Variants in SYT1 observed in about 807,000 individuals in gnomAD.
The protein encoded by SYT1 is synaptotagmin 1, also known as synaptotagmin-1.
SYT1 carries 8 observed loss-of-function variants against 44.8 expected under a neutral mutation model. The observed-to-expected ratio is 0.18, with a 90% confidence interval of 0.10 to 0.32. The LOEUF is 0.32. Ranked by LOEUF, SYT1 falls within the 10% of genes least tolerant of loss-of-function variation. SYT1 has a pLI of 1.00. For missense variants in SYT1, 286 were observed against 509.3 expected (o/e 0.56, Z 4.22); for synonymous variants, 154 against 188.8 (o/e 0.82, Z 1.51).
At chr12:79,157,016 A>G (rs550527726) in intron 3 of SYT1, among the ~76,000 whole-genome samples, 1 of 152,172 alleles carries the variant, frequency 6.6e-6, no homozygotes, top group East Asian at 1.9e-4. Context: ...TGGGGAGGAA[A>G]AGAGGAGGAG....
intron 2 of SYT1, among the ~76,000 whole-genome samples, chr12:79,043,067 AGGTGT>A: frequency 6.7e-6 from 1 of 148,860 alleles, no homozygotes; most frequent in African/African-American, 2.5e-5. Flanking sequence ...ATTTTGGAAT[AGGTGT>A]GGTGTGGTGC....
intron 3 of SYT1, among the ~76,000 whole-genome samples, chr12:79,147,499 AAG>A (rs1164184327): frequency 1.3e-5 from 2 of 152,300 alleles, no homozygotes; most frequent in South Asian, 2.1e-4. Context: ...CTGGGGGAAA[AAG>A]AGTGTTACAA....
intron 3 of SYT1, among the ~76,000 whole-genome samples, chr12:79,195,004 C>A (rs1873367110): frequency 6.6e-6 from 1 of 152,136 alleles, no homozygotes; most frequent in African/African-American, 2.4e-5. Context: ...ATTCTGTTAA[C>A]CTTGAAGCCC....
intron 8 of SYT1, among the ~76,000 whole-genome samples, chr12:79,333,776 C>T (rs966339181): frequency 6.6e-6 from 1 of 152,120 alleles, no homozygotes; most frequent in Non-Finnish European, 1.5e-5. Context: ...TTTATTCCTA[C>T]CAGCTCTTTG....
intron 3 of SYT1, among the ~76,000 whole-genome samples, chr12:79,071,606 A>G (rs1221272429): frequency 6.6e-6 from 1 of 152,158 alleles, no homozygotes; most frequent in Admixed American, 6.5e-5. Context: ...TAGAAATCCA[A>G]ACTCAAGATG....
chr12:79,102,109 A>G (rs1271883862), intron 3 of SYT1, among the ~76,000 whole-genome samples: 1 of 152,158 alleles, frequency 6.6e-6, no homozygotes, highest in Non-Finnish European at 1.5e-5. Context: ...GTCTTTGATC[A>G]TAATATATCC....
intron 4 of SYT1, among the ~76,000 whole-genome samples, chr12:79,256,046 G>C (rs1260079764): frequency 6.6e-6 from 1 of 152,132 alleles, no homozygotes; most frequent in African/African-American, 2.4e-5. Context: ...ATGAATAGTG[G>C]CTTACGTGTT....
At chr12:79,307,570 G>A (rs896168658) in intron 8 of SYT1, among the ~76,000 whole-genome samples, 2 of 150,426 alleles carry the variant, frequency 1.3e-5, no homozygotes, top group East Asian at 4.0e-4. Context: ...CTTCCGGGGC[G>A]CCTGGCCCTG....
At chr12:79,187,318 G>A (rs1163352713) in intron 3 of SYT1, among the ~76,000 whole-genome samples, 1 of 152,118 alleles carries the variant, frequency 6.6e-6, no homozygotes, top group South Asian at 2.1e-4. Flanking sequence ...TTAAGCGGCA[G>A]CTGCTCAGAG....
chr12:79,108,181 G>C (rs1429373618), intron 3 of SYT1, among the ~76,000 whole-genome samples: 1 of 151,854 alleles, frequency 6.6e-6, no homozygotes, highest in Non-Finnish European at 1.5e-5. Flanking sequence ...GAATTAAAAG[G>C]GTTTGATGGA....
chr12:78,974,289 C>T (rs1442116693), intron 1 of SYT1, among the ~76,000 whole-genome samples: 1 of 151,640 alleles, frequency 6.6e-6, no homozygotes, highest in Non-Finnish European at 1.5e-5. Context: ...TCATCATTAA[C>T]TGAAATTTTA....
intron 2 of SYT1, among the ~76,000 whole-genome samples, chr12:78,985,781 T>C (rs1161769801): frequency 6.6e-6 from 1 of 151,986 alleles, no homozygotes; most frequent in Non-Finnish European, 1.5e-5. Context: ...GCTTCAAGTT[T>C]ATTTTGGGTA....
At chr12:78,917,359 A>G (rs900403996) in intron 1 of SYT1, among the ~76,000 whole-genome samples, 1 of 151,924 alleles carries the variant, frequency 6.6e-6, no homozygotes, top group Non-Finnish European at 1.5e-5. Flanking sequence ...TCCATACCCA[A>G]AGTTGACTGT....
At chr12:79,393,854 T>A (rs990514494) in intron 9 of SYT1, 1 of 152,112 alleles carries the variant, frequency 6.6e-6, no homozygotes, top group African/African-American at 2.4e-5. Flanking sequence ...CTGAAAGCAT[T>A]TCTTTAAGCT....
At chr12:79,173,257 C>A (rs1386851658) in intron 3 of SYT1, among the ~76,000 whole-genome samples, 1 of 152,010 alleles carries the variant, frequency 6.6e-6, no homozygotes, top group African/African-American at 2.4e-5. Context: ...TGCTCCCCTG[C>A]AAGTTCCCTG....
At chr12:78,994,764 T>A (rs1870259883) in intron 2 of SYT1, among the ~76,000 whole-genome samples, 1 of 152,104 alleles carries the variant, frequency 6.6e-6, no homozygotes, top group Non-Finnish European at 1.5e-5. Context: ...CTTGAACTCC[T>A]GACCTCGTGA....
At chr12:79,287,372 A>C (rs577246193) in intron 5 of SYT1, among the ~76,000 whole-genome samples, 1 of 152,256 alleles carries the variant, frequency 6.6e-6, no homozygotes, top group African/African-American at 2.4e-5. Flanking sequence ...CAGTTAATTT[A>C]AGTAGAAACT....
intron 1 of SYT1, 165 bp from the exon 2 acceptor site, chr12:78,977,634 C>T (rs1328308158): frequency 6.6e-6 from 1 of 152,144 alleles, no homozygotes; most frequent in East Asian, 1.9e-4. Flanking sequence ...GCCTGGAGCA[C>T]CCAGCACAAC....
intron 1 of SYT1, among the ~76,000 whole-genome samples, chr12:78,929,812 C>T (rs1313470959): frequency 2.0e-5 from 3 of 152,084 alleles, no homozygotes; most frequent in Admixed American, 6.6e-5. Context: ...TAGCAAGATA[C>T]GTCTTCTGGT....
Sources: gnomAD v4.1 joint callset for allele counts (sites outside exome capture counted in the v4.1 genomes callset) on GRCh38, gnomAD v4.1.1 for gene constraint, MANE v1.5 for transcripts, NCBI Gene and HGNC (gene_info 2026-07-23, HGNC 2026-07-21) for gene names.